BDKRB2: variants seen among roughly 807,000 people sequenced by gnomAD.
BDKRB2 encodes the protein B2 bradykinin receptor.
A neutral mutation model predicts 4.0 loss-of-function variants in BDKRB2; 6 were observed. The observed-to-expected ratio is 1.49, with a 90% CI of 0.81 to 2.93. BDKRB2 has a LOEUF of 2.93. BDKRB2 is among the 30% of genes most tolerant of loss of function. The probability of loss-of-function intolerance (pLI) is 0.00; values close to 1 mark genes in which losing one functional copy is unlikely to be tolerated. For synonymous variants in BDKRB2, 225 were observed against 215.3 expected, an observed-to-expected ratio of 1.05 and a Z score of -0.40; for missense variants, 478 against 520.1, an observed-to-expected ratio of 0.92 and a Z score of 0.79.
Position 96,241,051 on chromosome 14 carries a change from C to G in BDKRB2, c.723C>G (p.Thr241=). The change falls in exon 3 of 3, where the codon ACC becomes ACG. Residue 241 remains threonine, a synonymous_variant. Transcript: ENST00000554311. ...VGFLLPLSVI[T]FCTMQIMQVL... Reference sequence around the variant, plus strand: ...TCCTGCTGCCCCTGAGTGTCATCACCTTCTGCACGATGCAGATCATGCAGG... The same window carrying G: ...TCCTGCTGCCCCTGAGTGTCATCACGTTCTGCACGATGCAGATCATGCAGG... 3.1e-6 allele frequency: 5 copies of G among 1,613,548 alleles called. No homozygotes were observed. Among genetic ancestry groups the G allele is most frequent in the Non-Finnish European group, 4.2e-6 (5 of 1,179,540 alleles).
intron 1 of BDKRB2, among the ~76,000 whole-genome samples, chr14:96,230,649 G>A (rs60158263): frequency 0.018 from 2,633 of 144,796 alleles, 64 homozygotes; most frequent in Middle Eastern, 0.06. Flanking sequence ...ATGGAGTCTC[G>A]CTCCGTCACC....
In BDKRB2 at chr14:96,242,840, G is replaced by A. The variant is rs1355423606; in HGVS notation, c.*1336G>A. ...CAAGGGATTGTTCCTGTCAATCAATGGTTTATTGGAAGGTGGCCCAGTATG... is the reference window on the plus strand; with the variant it reads ...CAAGGGATTGTTCCTGTCAATCAATAGTTTATTGGAAGGTGGCCCAGTATG... On this transcript the variant is annotated 3_prime_UTR_variant, in exon 3 of 3. Coordinates refer to ENST00000554311, the MANE Select transcript of BDKRB2 (RefSeq NM_001379692.1). 6.6e-6 allele frequency: 1 copy of A among 152,402 alleles called. No homozygotes were observed. The highest frequency in any genetic ancestry group is 1.5e-5 in the Non-Finnish European group (1 of 68,176). 9.4% of individuals were successfully genotyped at this position (152,402 alleles called of 1,614,324 possible). A position where few individuals can be genotyped will look rare whatever the true frequency, so the allele number is the denominator to read the frequency against.
intron 2 of BDKRB2, chr14:96,239,032 C>T (rs548232404): frequency 2.5e-5 from 25 of 985,384 alleles, no homozygotes; most frequent in South Asian, 9.4e-5. Flanking sequence ...TAGAAGCAAA[C>T]GGACTTTTCC....
intron 1 of BDKRB2, among the ~76,000 whole-genome samples, chr14:96,227,896 G>A (rs1004527569): frequency 2.0e-5 from 3 of 152,214 alleles, no homozygotes; most frequent in African/African-American, 7.2e-5. Context: ...AAGAGACACG[G>A]GGTGGCTGCC....
At chr14:96,217,211 A>C (rs1305666515) in intron 1 of BDKRB2, among the ~76,000 whole-genome samples, 1 of 152,206 alleles carries the variant, frequency 6.6e-6, no homozygotes, top group Non-Finnish European at 1.5e-5. Flanking sequence ...CAATCGAGAT[A>C]GTGTGAAGAA....
At chr14:96,209,144 C>T (rs951376691) in intron 1 of BDKRB2, among the ~76,000 whole-genome samples, 7 of 152,318 alleles carry the variant, frequency 4.6e-5, no homozygotes, top group Non-Finnish European at 1.0e-4. Context: ...CACGCAGGTG[C>T]GGGGGTCCTG....
chr14:96,241,210 G>A lies in BDKRB2; in HGVS notation c.882G>A (p.Thr294=), dbSNP rs774828338. 1.1e-5 allele frequency: 17 copies of A among 1,608,450 alleles called. No individual in the cohort carries two copies. The highest frequency in any genetic ancestry group is 1.6e-4 in the Middle Eastern group (1 of 6,064). Residue 294 remains threonine, a synonymous_variant, in exon 3 of 3, where the codon ACG becomes ACA. Coordinates refer to ENST00000554311, the MANE Select transcript of BDKRB2 (RefSeq NM_001379692.1). ...LPFQISTFLD[T]LHRLGILSSC... ...TCCAGATCAGCACCTTCCTGGATAC[G>A]CTGCATCGCCTCGGCATCCTCTCCA...
chr14:96,208,311 A>G (rs781525007), intron 1 of BDKRB2, among the ~76,000 whole-genome samples: 13 of 152,150 alleles, frequency 8.5e-5, no homozygotes, highest in Non-Finnish European at 1.2e-4. Flanking sequence ...CTTTCATCAC[A>G]GTGGGTTCTG....
chr14:96,239,454 A>C, intron 2 of BDKRB2: 1 of 985,396 alleles, frequency 1.0e-6, no homozygotes, highest in Non-Finnish European at 1.2e-6. Flanking sequence ...CAAGTCTAGA[A>C]AGGTGCCTGC....
chr14:96,216,941 G>A (rs188243721), intron 1 of BDKRB2, among the ~76,000 whole-genome samples: 1 of 152,342 alleles, frequency 6.6e-6, no homozygotes, highest in Non-Finnish European at 1.5e-5. Flanking sequence ...AGCCCAAGGA[G>A]TGAGGGGCTG....
intron 1 of BDKRB2, among the ~76,000 whole-genome samples, chr14:96,207,187 G>T (rs551539020): frequency 6.6e-6 from 1 of 152,120 alleles, no homozygotes; most frequent in Admixed American, 6.6e-5. Flanking sequence ...TTGTCTATCC[G>T]CTCAAGCTGC....
intron 1 of BDKRB2, among the ~76,000 whole-genome samples, chr14:96,227,620 CACACACACATATAT>C (rs879651945): frequency 5.1e-4 from 77 of 151,788 alleles, no homozygotes; most frequent in Admixed American, 1.7e-3. Flanking sequence ...CACACACAAA[CACACACACATATAT>C]ACACACACCA....
chr14:96,213,857 C>G (rs1890358560), intron 1 of BDKRB2, among the ~76,000 whole-genome samples: 1 of 152,162 alleles, frequency 6.6e-6, no homozygotes, highest in Non-Finnish European at 1.5e-5. Flanking sequence ...AGAGGGGAGA[C>G]AGAGCTAGCT....
At chr14:96,206,707 C>T (rs1890187606) in intron 1 of BDKRB2, among the ~76,000 whole-genome samples, 1 of 152,194 alleles carries the variant, frequency 6.6e-6, no homozygotes, top group Non-Finnish European at 1.5e-5. Flanking sequence ...ATTAGGGCGG[C>T]CTCCTCACCT....
chr14:96,240,256 G>T lies in BDKRB2; in HGVS notation c.75-147G>T, dbSNP rs1030636357. ...ACCCAGGGGAGTCAGGTGCACTGGA[G>T]CGCGGGCTGCAGAAAACAGCCTGAG... On this transcript the variant is annotated intron_variant, in intron 2 of 2. Transcript: ENST00000554311. 8 of 1,333,534 alleles carry T rather than the reference G, an allele frequency of 6.0e-6. No homozygotes were observed. The South Asian group carries it at 2.2e-4, about 37-fold the overall frequency. 82.6% of individuals were successfully genotyped at this position (1,333,534 alleles called of 1,614,324 possible).
At chr14:96,230,430 T>C (rs1890791273) in intron 1 of BDKRB2, among the ~76,000 whole-genome samples, 1 of 152,180 alleles carries the variant, frequency 6.6e-6, no homozygotes, top group Admixed American at 6.5e-5. Flanking sequence ...AGTCTCGCTC[T>C]GTCGCCCAGG....
At chr14:96,205,830 G>A (rs548278231) in intron 1 of BDKRB2, among the ~76,000 whole-genome samples, 7 of 152,328 alleles carry the variant, frequency 4.6e-5, no homozygotes, top group South Asian at 4.1e-4. Context: ...GCCGTGATTC[G>A]AGTTGCTGAG....
intron 2 of BDKRB2, chr14:96,239,180 A>T: frequency 1.0e-6 from 1 of 985,396 alleles, no homozygotes; most frequent in Non-Finnish European, 1.2e-6. Flanking sequence ...GGCACTGGGA[A>T]AATGCCCAAT....
intron 1 of BDKRB2, among the ~76,000 whole-genome samples, chr14:96,205,877 G>A (rs1312270354): frequency 6.6e-6 from 1 of 152,238 alleles, no homozygotes; most frequent in Non-Finnish European, 1.5e-5. Context: ...GAGGTGAACA[G>A]CAGGTGTTGC....
Sources: allele counts gnomAD v4.1 joint callset (sites outside exome capture counted in the v4.1 genomes callset), GRCh38; gene constraint gnomAD v4.1.1; transcripts MANE v1.5; gene names NCBI Gene and HGNC (gene_info 2026-07-23, HGNC 2026-07-21).